Variants in KCNK10 observed in about 807,000 individuals in gnomAD.
KCNK10 encodes the protein potassium two pore domain channel subfamily K member 10, also known as potassium channel subfamily K member 10.
Under a neutral mutation model 47.7 loss-of-function variants are expected in KCNK10, and 25 were observed. That is an observed-to-expected ratio of 0.52 (90% CI 0.38 to 0.73). The LOEUF (loss-of-function observed/expected upper bound fraction) is 0.73, where lower values mean the gene tolerates loss of function less well. Among genes scored for constraint, KCNK10 ranks in the 30% least tolerant of loss-of-function variants. The pLI is 0.00. For missense variants in KCNK10, 563 were observed against 714.5 expected, an observed-to-expected ratio of 0.79 and a Z score of 2.42; for synonymous variants, 303 against 285.6, an observed-to-expected ratio of 1.06 and a Z score of -0.61.
chr14:88,269,093 G>A (rs932176077), intron 1 of KCNK10, among the ~76,000 whole-genome samples: 1 of 152,190 alleles, frequency 6.6e-6, no homozygotes, highest in Admixed American at 6.5e-5. Flanking sequence ...AGCCGAGATC[G>A]TGCCATTGCA....
At chr14:88,199,024 A>G (rs1411184653) in intron 4 of KCNK10, among the ~76,000 whole-genome samples, 1 of 151,864 alleles carries the variant, frequency 6.6e-6, no homozygotes, top group Non-Finnish European at 1.5e-5. Flanking sequence ...GGTTCAAGCG[A>G]TTCTCCTGCC....
At chr14:88,262,964 C>T (rs368055143) in intron 2 of KCNK10, among the ~76,000 whole-genome samples, 9 of 152,154 alleles carry the variant, frequency 5.9e-5, no homozygotes, top group African/African-American at 9.7e-5. Flanking sequence ...GGCCTGCTGC[C>T]GCCTCTGACC....
intron 1 of KCNK10, among the ~76,000 whole-genome samples, chr14:88,298,590 C>T (rs973332109): frequency 1.8e-4 from 28 of 152,146 alleles, no homozygotes; most frequent in Non-Finnish European, 4.0e-4. Flanking sequence ...CTATTTAAAC[C>T]TTTCTTTTTC....
At chr14:88,246,370 T>C (rs1265142934) in intron 2 of KCNK10, among the ~76,000 whole-genome samples, 5 of 151,244 alleles carry the variant, frequency 3.3e-5, no homozygotes, top group African/African-American at 9.7e-5. Context: ...CATTCATTAC[T>C]ACTCAAAAAT....
At chr14:88,307,327 T>TCACACACA (rs112756986) in intron 1 of KCNK10, among the ~76,000 whole-genome samples, 6,082 of 148,876 alleles carry the variant, frequency 0.041, 134 homozygotes, top group Middle Eastern at 0.076. Flanking sequence ...AAGAAGCTGA[T>TCACACACA]CACACACACA....
chr14:88,197,856 A>AAGGG (rs1240702241), intron 4 of KCNK10, among the ~76,000 whole-genome samples: 1 of 103,894 alleles, frequency 9.6e-6, no homozygotes, highest in Admixed American at 9.7e-5. Context: ...GGAAGGAGGG[A>AAGGG]AGGGAGAGAG....
rs1884486786 is a variant in KCNK10, at chr14:88,184,845, G to C, written c.*690C>G. 2 of 152,496 alleles carry C rather than the reference G, an allele frequency of 1.3e-5. No homozygotes were observed. Among genetic ancestry groups the C allele is most frequent in the East Asian group, 1.9e-4 (1 of 5,314 alleles). 9.4% of individuals were successfully genotyped at this position (152,496 alleles called of 1,614,324 possible). ...CTGTGAGAAAGACCAAACTCAGCAGGCTTCTGTCATTGGTTAAGGTGATAT... is the reference window on the plus strand; with the variant it reads ...CTGTGAGAAAGACCAAACTCAGCAGCCTTCTGTCATTGGTTAAGGTGATAT... On this transcript the variant is annotated 3_prime_UTR_variant, in exon 7 of 7. Coordinates refer to ENST00000319231, the MANE Select transcript of KCNK10 (RefSeq NM_138317.3).
intron 5 of KCNK10, 140 bp from the exon 6 acceptor site, chr14:88,188,249 C>T (rs1166069506): frequency 5.5e-6 from 6 of 1,088,662 alleles, no homozygotes; most frequent in Non-Finnish European, 8.1e-6. Context: ...ACAAGGTGGA[C>T]CGGGGTTAGA....
intron 2 of KCNK10, among the ~76,000 whole-genome samples, chr14:88,247,038 T>C (rs8006713): frequency 0.08 from 12,231 of 152,160 alleles, 1,267 homozygotes; most frequent in African/African-American, 0.24. Flanking sequence ...CTGAGAATGG[T>C]AAAGTGCTGT....
intron 4 of KCNK10, among the ~76,000 whole-genome samples, chr14:88,203,884 C>T (rs537139529): frequency 3.9e-5 from 6 of 152,196 alleles, no homozygotes; most frequent in South Asian, 4.2e-4. Context: ...TGCCAGTACC[C>T]GAGGGCAGGG....
At chr14:88,239,583 G>A (rs1404970824) in intron 3 of KCNK10, among the ~76,000 whole-genome samples, 1 of 152,212 alleles carries the variant, frequency 6.6e-6, no homozygotes, top group Non-Finnish European at 1.5e-5. Flanking sequence ...CCTAGGCCAG[G>A]TGCGGTGGCT....
intron 4 of KCNK10, among the ~76,000 whole-genome samples, chr14:88,208,334 G>A (rs181314728): frequency 4.5e-4 from 69 of 152,276 alleles, no homozygotes; most frequent in African/African-American, 1.6e-3. Context: ...AGTGGCTCAC[G>A]GAAGCAGGTG....
At chr14:88,308,182 C>G (rs777207804) in intron 1 of KCNK10, among the ~76,000 whole-genome samples, 1 of 152,072 alleles carries the variant, frequency 6.6e-6, no homozygotes, top group Non-Finnish European at 1.5e-5. Flanking sequence ...ATCACTAGGA[C>G]GAGCTTAAAA....
At position 88,274,431 on chromosome 14, in the gene KCNK10, G is replaced by A. The variant is rs12435420; in HGVS notation, c.53-10880C>T. 4.9e-3 allele frequency among the ~76,000 whole-genome samples: 744 copies of A among 150,644 alleles called. 29 individuals are homozygous for A. The highest frequency in any genetic ancestry group is 0.045 in the Admixed American group (673 of 15,058). ...ACAAAAATTAGCCAGGCATGGTGGC[G>A]CACGCTGTAATTCCAGCTACTCAGG... On this transcript the variant is annotated intron_variant, in intron 1 of 6. Coordinates refer to ENST00000319231, the MANE Select transcript of KCNK10 (RefSeq NM_138317.3).
intron 1 of KCNK10, among the ~76,000 whole-genome samples, chr14:88,283,225 A>T (rs1887688417): frequency 6.6e-6 from 1 of 152,238 alleles, no homozygotes; most frequent in African/African-American, 2.4e-5. Flanking sequence ...TCTTTCTGGG[A>T]CACATTTATG....
chr14:88,268,942 A>C (rs1009106376), intron 1 of KCNK10, among the ~76,000 whole-genome samples: 11 of 152,222 alleles, frequency 7.2e-5, no homozygotes, highest in Admixed American at 7.2e-4. Flanking sequence ...GTTCGAGACC[A>C]ACCTGGCCAA....
At chr14:88,281,085 C>T (rs890147541) in intron 1 of KCNK10, among the ~76,000 whole-genome samples, 1 of 152,138 alleles carries the variant, frequency 6.6e-6, no homozygotes, top group Non-Finnish European at 1.5e-5. Context: ...AAGCCTCTGT[C>T]CCCTCTCTAA....
At chr14:88,259,550 G>A (rs1424272616) in intron 2 of KCNK10, among the ~76,000 whole-genome samples, 5 of 152,012 alleles carry the variant, frequency 3.3e-5, no homozygotes, top group African/African-American at 7.2e-5. Context: ...TTGACTTCCC[G>A]GGCTCAGGTG....
chr14:88,215,107 A>T (rs12889228), intron 4 of KCNK10, among the ~76,000 whole-genome samples: 63,988 of 151,972 alleles, frequency 0.42, 15,192 homozygotes, highest in African/African-American at 0.64. Flanking sequence ...TTGGCAGGGT[A>T]ACTTACTGTA....
Sources: gnomAD v4.1 joint callset for allele counts (sites outside exome capture counted in the v4.1 genomes callset) on GRCh38, gnomAD v4.1.1 for gene constraint, MANE v1.5 for transcripts, NCBI Gene and HGNC (gene_info 2026-07-23, HGNC 2026-07-21) for gene names.